DISC1: variants seen among roughly 807,000 people sequenced by gnomAD.
DISC1 encodes the protein disrupted in schizophrenia 1 protein.
DISC1 carries 57 observed loss-of-function variants against 84.5 expected under a neutral mutation model. The ratio of observed to expected loss-of-function variants is 0.67; its 90% CI spans 0.55 to 0.84. The LOEUF is 0.84. Ranked by LOEUF, DISC1 falls within the 40% of genes least tolerant of loss-of-function variation. DISC1 has a pLI of 0.00. For synonymous variants in DISC1, 411 were observed against 415.2 expected, an observed-to-expected ratio of 0.99 and a Z score of 0.12; for missense variants, 1,000 against 1,057.8, an observed-to-expected ratio of 0.95 and a Z score of 0.76.
At chr1:231,992,895 G>A (rs1388788778) in intron 10 of DISC1, among the ~76,000 whole-genome samples, 1 of 152,102 alleles carries the variant, frequency 6.6e-6, no homozygotes. Flanking sequence ...CTAGTCTATA[G>A]GCTTCATAGG....
Position 232,038,783 on chromosome 1 carries a change from A to G in DISC1, c.*1952A>G, listed in dbSNP as rs1021358437. On this transcript the variant is annotated 3_prime_UTR_variant, in exon 13 of 13. Transcript: ENST00000439617. ...TTGTTCTGTTTGTGCTTCTGTTCTC[A>G]TTTATGTGTTTAGGGATAGTGAGGT... 2 of 152,120 alleles carry G rather than the reference A, an allele frequency of 1.3e-5. No individual in the cohort carries two copies. The highest frequency in any genetic ancestry group is 4.8e-5 in the African/African-American group (2 of 41,428). 9.4% of individuals were successfully genotyped at this position (152,120 alleles called of 1,614,324 possible). A position where few individuals can be genotyped will look rare whatever the true frequency, so the allele number is the denominator to read the frequency against.
At chr1:231,910,863 A>G (rs748326716) in intron 9 of DISC1, among the ~76,000 whole-genome samples, 1 of 152,136 alleles carries the variant, frequency 6.6e-6, no homozygotes, top group Non-Finnish European at 1.5e-5. Flanking sequence ...GTGCTCTTGT[A>G]TTGTGTGCAT....
chr1:231,955,351 C>A (rs1659250377), intron 9 of DISC1, among the ~76,000 whole-genome samples: 1 of 152,176 alleles, frequency 6.6e-6, no homozygotes, highest in South Asian at 2.1e-4. Flanking sequence ...CTAAAAACTT[C>A]TGAAATTTAA....
intron 6 of DISC1, 124 bp downstream of exon 6, chr1:231,771,194 C>T: frequency 6.9e-7 from 1 of 1,455,904 alleles, no homozygotes; most frequent in Non-Finnish European, 9.1e-7. Flanking sequence ...TCAGTGGAAG[C>T]ACCATTGGTG....
chr1:232,024,030 C>T (rs60490489), intron 11 of DISC1, among the ~76,000 whole-genome samples: 7,291 of 123,640 alleles, frequency 0.059, 595 homozygotes, highest in African/African-American at 0.22. Flanking sequence ...TATATATATA[C>T]ACACACATAT....
chr1:231,781,449 A>T (rs1289933350), intron 6 of DISC1, among the ~76,000 whole-genome samples: 1 of 152,096 alleles, frequency 6.6e-6, no homozygotes, highest in Non-Finnish European at 1.5e-5. Context: ...TAGGCATTAG[A>T]TTAATTATTT....
intron 1 of DISC1, among the ~76,000 whole-genome samples, chr1:231,692,995 G>T (rs949124420): frequency 5.9e-5 from 9 of 152,190 alleles, no homozygotes; most frequent in African/African-American, 2.2e-4. Context: ...GTTCTAAGCT[G>T]TCTACAAATA....
intron 9 of DISC1, among the ~76,000 whole-genome samples, chr1:231,863,305 A>G (rs1400560960): frequency 8.0e-6 from 1 of 124,672 alleles, no homozygotes; most frequent in Non-Finnish European, 1.5e-5. Context: ...ATCTTGGCTC[A>G]CTGCGGTCTC....
chr1:231,866,376 C>T, intron 9 of DISC1: 1 of 613,168 alleles, frequency 1.6e-6, no homozygotes, highest in South Asian at 2.1e-5. Context: ...ATTTAATTAT[C>T]TCTGAAGTCA....
chr1:231,841,330 A>G (rs2083045262), intron 9 of DISC1, among the ~76,000 whole-genome samples: 1 of 152,240 alleles, frequency 6.6e-6, no homozygotes, highest in African/African-American at 2.4e-5. Flanking sequence ...GCCCAAACCT[A>G]CATACCTTCC....
intron 9 of DISC1, among the ~76,000 whole-genome samples, chr1:231,888,833 C>T (rs758751675): frequency 6.6e-6 from 1 of 151,888 alleles, no homozygotes; most frequent in Non-Finnish European, 1.5e-5. Flanking sequence ...GTGACCCACT[C>T]TCCTGCTCAG....
At chr1:231,673,447 C>A (rs116460987) in intron 1 of DISC1, among the ~76,000 whole-genome samples, 41 of 152,230 alleles carry the variant, frequency 2.7e-4, no homozygotes, top group African/African-American at 9.1e-4. Context: ...TACTCCTCAG[C>A]CTCTTGAGTA....
rs184401277 is a variant in DISC1 at position 231,799,063 on chromosome 1, A to G, written c.1690-1045A>G. On this transcript the variant is annotated intron_variant, in intron 7 of 12. Transcript: ENST00000439617. ...GACTGTTGAAAGGGTTCAAAAAAGGAAAAAAATGTGATGTTTTAGCCTCCA... is the reference window on the plus strand; with the variant it reads ...GACTGTTGAAAGGGTTCAAAAAAGGGAAAAAATGTGATGTTTTAGCCTCCA... Among the ~76,000 whole-genome samples, 11 of 152,232 alleles carry G rather than the reference A, an allele frequency of 7.2e-5. No individual in the cohort carries two copies. In the East Asian group the frequency reaches 1.9e-3, roughly 27 times the overall value.
chr1:231,831,375 A>G (rs2082212692), intron 9 of DISC1, among the ~76,000 whole-genome samples: 2 of 152,266 alleles, frequency 1.3e-5, no homozygotes, highest in Admixed American at 1.3e-4. Context: ...ACAACAGAAT[A>G]GAATGGGACT....
intron 1 of DISC1, among the ~76,000 whole-genome samples, chr1:231,663,091 A>C (rs2061696230): frequency 1.3e-5 from 2 of 151,672 alleles, no homozygotes; most frequent in Admixed American, 1.3e-4. Flanking sequence ...ATGCTATGAG[A>C]GACCCACTTT....
At chr1:231,993,575 G>T (rs1346488942) in intron 10 of DISC1, among the ~76,000 whole-genome samples, 3 of 152,170 alleles carry the variant, frequency 2.0e-5, no homozygotes, top group Admixed American at 2.0e-4. Context: ...AAATGACCAA[G>T]ATTTCTAGCC....
chr1:231,908,004 T>C (rs1156619062), intron 9 of DISC1, among the ~76,000 whole-genome samples: 6 of 152,154 alleles, frequency 3.9e-5, no homozygotes, highest in Non-Finnish European at 8.8e-5. Context: ...TATCCTTTGC[T>C]CACTTTTTGA....
In DISC1 at chr1:232,036,889, C is replaced by T. The variant is rs899819037; in HGVS notation, c.*58C>T. 14 of 1,425,370 alleles carry T rather than the reference C, an allele frequency of 9.8e-6. No individual in the cohort carries two copies. In the East Asian group the frequency reaches 2.8e-4, roughly 29 times the overall value. The allele number at this position is 1,425,370 out of a possible 1,614,324, so 88.3% of individuals were successfully genotyped here. ...CCATGTTTGGACCCGGGGGGCTGCT[C>T]TTCCCTCCCCCGCCATAGCTAAGAT... On this transcript the variant is annotated 3_prime_UTR_variant, in exon 13 of 13. Transcript: ENST00000439617.
At chr1:232,027,177 G>C (rs1275484041) in intron 12 of DISC1, among the ~76,000 whole-genome samples, 1 of 152,178 alleles carries the variant, frequency 6.6e-6, no homozygotes, top group African/African-American at 2.4e-5. Context: ...CCTGGTGAAG[G>C]AAAACAGTTG....
Sources: gnomAD v4.1 joint callset for allele counts (sites outside exome capture counted in the v4.1 genomes callset) on GRCh38, gnomAD v4.1.1 for gene constraint, MANE v1.5 for transcripts, NCBI Gene and HGNC (gene_info 2026-07-23, HGNC 2026-07-21) for gene names.